The following PUDP variants were observed in gnomAD, a reference collection of about 807,000 sequenced individuals.
PUDP encodes pseudouridine-5'-phosphatase.
A neutral mutation model predicts 9.4 loss-of-function variants in PUDP; 8 were observed. The observed-to-expected ratio is 0.85, with a 90% CI of 0.50 to 1.53. The LOEUF (loss-of-function observed/expected upper bound fraction) is 1.53. Among genes scored for constraint, PUDP ranks in the 40% most tolerant of loss-of-function variants. The probability of loss-of-function intolerance (pLI) is 0.00; values close to 1 mark genes in which losing one functional copy is unlikely to be tolerated. For missense variants in PUDP, 188 were observed against 189.7 expected, an observed-to-expected ratio of 0.99 and a Z score of 0.05; for synonymous variants, 99 against 80.7, an observed-to-expected ratio of 1.23 and a Z score of -1.22.
At chrX:6,816,744 T>A (rs1481435736) in intron 3 of PUDP, among the ~76,000 whole-genome samples, 1 of 95,791 alleles carries the variant, frequency 1.0e-5, no homozygotes, top group African/African-American at 3.8e-5. Flanking sequence ...ACACATAGTA[T>A]ATACGATATA....
chrX:6,754,620 T>G (rs1729986679), intron 3 of PUDP, among the ~76,000 whole-genome samples: 2 of 108,812 alleles, frequency 1.8e-5, no homozygotes, highest in Admixed American at 1.0e-4. Flanking sequence ...TGTATAATAT[T>G]ATAACATAGT....
At chrX:7,022,496 C>A (rs5933622) in intron 1 of PUDP, among the ~76,000 whole-genome samples, 1 of 110,470 alleles carries the variant, frequency 9.1e-6, no homozygotes, top group African/African-American at 3.3e-5. Context: ...AATCACAAAG[C>A]GATTCACAGG....
chrX:6,753,737 T>C (rs113523240), intron 3 of PUDP, among the ~76,000 whole-genome samples: 20,708 of 111,577 alleles, frequency 0.19, 1,937 homozygotes, highest in African/African-American at 0.36. Context: ...ATGTTGAGCA[T>C]TTTTTCATAT....
At chrX:6,819,886 T>C (rs1926310709) in intron 3 of PUDP, among the ~76,000 whole-genome samples, 1 of 111,514 alleles carries the variant, frequency 9.0e-6, no homozygotes, top group Admixed American at 9.6e-5. Context: ...TTGTATTTTG[T>C]ATTTTTATTA....
chrX:6,940,331 T>C (rs1460865232), intron 3 of PUDP, among the ~76,000 whole-genome samples: 13 of 112,846 alleles, frequency 1.2e-4, no homozygotes, highest in South Asian at 3.6e-4. Context: ...ACAAGGACCA[T>C]ATGGCTCACA....
At chrX:6,823,231 C>G (rs947032238) in intron 3 of PUDP, among the ~76,000 whole-genome samples, 13 of 111,034 alleles carry the variant, frequency 1.2e-4, no homozygotes, top group African/African-American at 4.3e-4. Flanking sequence ...AAAAAAAATC[C>G]TTTACCTCGA....
At chrX:7,082,764 C>T (rs1931140301) in intron 2 of PUDP, among the ~76,000 whole-genome samples, 1 of 112,358 alleles carries the variant, frequency 8.9e-6, no homozygotes, top group Admixed American at 9.4e-5. Flanking sequence ...TCACCCCACC[C>T]CACCATGGGG....
intron 3 of PUDP, among the ~76,000 whole-genome samples, chrX:6,739,601 A>T (rs570656040): frequency 2.7e-4 from 30 of 111,972 alleles, no homozygotes; most frequent in Middle Eastern, 4.6e-3. Context: ...TGCCCTCCAC[A>T]ATAATGGTCC....
chrX:7,092,575 T>A (rs1364815266), intron 2 of PUDP, among the ~76,000 whole-genome samples: 1 of 112,078 alleles, frequency 8.9e-6, no homozygotes, highest in Non-Finnish European at 1.9e-5. Context: ...TACAGTCTAC[T>A]CTCTAAGGAA....
chrX:7,083,919 G>GA (rs1199357921), intron 2 of PUDP, among the ~76,000 whole-genome samples: 4 of 108,068 alleles, frequency 3.7e-5, no homozygotes, highest in African/African-American at 1.0e-4. Context: ...AAAAAAGAAG[G>GA]AAAAAAAAAG....
chrX:6,745,190 A>G (rs753851902), intron 3 of PUDP, among the ~76,000 whole-genome samples: 2 of 111,791 alleles, frequency 1.8e-5, no homozygotes, highest in African/African-American at 6.5e-5. Flanking sequence ...GTGAAATTAA[A>G]ACTCTACCAT....
At chrX:7,050,534 T>C in intron 3 of PUDP, 62 bp from the exon 4 acceptor site, 1 of 1,025,390 alleles carries the variant, frequency 9.8e-7, no homozygotes, top group South Asian at 2.1e-5. Flanking sequence ...GGATGAAGTG[T>C]TTATTATCGT....
chrX:7,046,353 T>C (rs1366876158), downstream of PUDP, among the ~76,000 whole-genome samples: 1 of 111,908 alleles, frequency 8.9e-6, no homozygotes, highest in Admixed American at 9.4e-5. Flanking sequence ...GAAGACAGTG[T>C]CTACAAGCCA....
At chrX:7,103,195 C>A (rs1470845971) in intron 2 of PUDP, among the ~76,000 whole-genome samples, 3 of 112,085 alleles carry the variant, frequency 2.7e-5, no homozygotes, top group African/African-American at 9.7e-5. Flanking sequence ...TTCATCAAAA[C>A]AGTGCAGTAC....
intron 1 of PUDP, among the ~76,000 whole-genome samples, chrX:6,996,149 G>A (rs759958901): frequency 9.0e-6 from 1 of 111,695 alleles, no homozygotes; most frequent in South Asian, 3.8e-4. Flanking sequence ...CCGTCCAAAG[G>A]CATCTAACTA....
At chrX:7,006,608 G>A (rs912746893) in intron 1 of PUDP, among the ~76,000 whole-genome samples, 6 of 110,670 alleles carry the variant, frequency 5.4e-5, no homozygotes, top group African/African-American at 2.0e-4. Context: ...ACTAATGCTG[G>A]GCCATTGATT....
chrX:6,778,253 C>T (rs909570067), intron 3 of PUDP, among the ~76,000 whole-genome samples: 1 of 111,895 alleles, frequency 8.9e-6, no homozygotes, highest in African/African-American at 3.2e-5. Flanking sequence ...ACTTGCTAAG[C>T]GGGCAGTCCC....
chrX:6,944,461 A>G (rs1179171107), intron 3 of PUDP, among the ~76,000 whole-genome samples: 1 of 109,886 alleles, frequency 9.1e-6, no homozygotes, highest in African/African-American at 3.3e-5. Context: ...AGTGAGATAC[A>G]TCAGGGACCC....
intron 3 of PUDP, among the ~76,000 whole-genome samples, chrX:6,859,006 G>C (rs754793616): frequency 9.0e-6 from 1 of 111,515 alleles, no homozygotes; most frequent in Non-Finnish European, 1.9e-5. Context: ...CATGGTGGCA[G>C]GTCTTTCTTG....
Sources: allele counts gnomAD v4.1 joint callset (sites outside exome capture counted in the v4.1 genomes callset), GRCh38; gene constraint gnomAD v4.1.1; transcripts MANE v1.5; gene names NCBI Gene and HGNC (gene_info 2026-07-23, HGNC 2026-07-21).